The following CD58 variants were observed in gnomAD, a reference collection of about 807,000 sequenced individuals.
CD58 encodes the protein lymphocyte function-associated antigen 3.
A neutral mutation model predicts 27.6 loss-of-function variants in CD58; 14 were observed. The ratio of observed to expected loss-of-function variants is 0.51; its 90% CI spans 0.34 to 0.79. The LOEUF is 0.79. Among genes scored for constraint, CD58 ranks in the 30% least tolerant of loss-of-function variants. The probability of loss-of-function intolerance (pLI) is 0.02; values close to 1 mark genes in which losing one functional copy is unlikely to be tolerated. For synonymous variants in CD58, 117 were observed against 103.8 expected, an observed-to-expected ratio of 1.13 and a Z score of -0.77; for missense variants, 268 against 301.7, an observed-to-expected ratio of 0.89 and a Z score of 0.83.
Position 116,557,105 on chromosome 1 carries a change from A to T in CD58, c.71-12501T>A, listed in dbSNP as rs548378961. Among the ~76,000 whole-genome samples the T allele has an allele frequency of 1.6e-4, 24 of 152,316 alleles. No homozygotes were observed. The East Asian group carries it at 2.7e-3, about 17-fold the overall frequency. ...CCATATGTCTGGCATATGGACTTTCAATAAATATCTGTTGAATGAATTAAC... is the reference window on the plus strand; with the variant it reads ...CCATATGTCTGGCATATGGACTTTCTATAAATATCTGTTGAATGAATTAAC... On this transcript the variant is annotated intron_variant, in intron 1 of 5. Transcript: ENST00000369489. The surrounding 1 kb of genome is among the most constrained non-coding windows in gnomAD (Gnocchi z 5.2).
chr1:116,570,238 G>T lies in CD58; in HGVS notation c.70+665C>A, dbSNP rs1024081812. On this transcript the variant is annotated intron_variant, in intron 1 of 5. Coordinates refer to ENST00000369489, the MANE Select transcript of CD58 (RefSeq NM_001779.3). This position sits in a 1 kb window ranked among gnomAD's most constrained non-coding sequence, Gnocchi z 6.4. ...TTTCCTGAGGTTGTTGTGACGACTT[G>T]GCTGACAACACACGGAGAGGATGGA... is the stretch of plus-strand genomic sequence containing the variant. Among the ~76,000 whole-genome samples, 6 of 152,212 alleles carry T rather than the reference G, an allele frequency of 3.9e-5. No individual in the cohort carries two copies. Among genetic ancestry groups the T allele is most frequent in the Admixed American group, 1.3e-4 (2 of 15,288 alleles).
chr1:116,532,911 T>C lies in CD58; in HGVS notation c.628+3054A>G. 1 of 1,021,698 alleles carries C rather than the reference T, an allele frequency of 9.8e-7. No individual in the cohort carries two copies. Among genetic ancestry groups the C allele is most frequent in the South Asian group, 1.4e-5 (1 of 73,898 alleles). The allele number at this position is 1,021,698 out of a possible 1,614,324, so 63.3% of individuals were successfully genotyped here. On this transcript the variant is annotated intron_variant, in intron 3 of 5. Coordinates refer to ENST00000369489, the MANE Select transcript of CD58 (RefSeq NM_001779.3). This position sits in a 1 kb window ranked among gnomAD's most constrained non-coding sequence, Gnocchi z 5.1. ...ACAGGCCCGGAGTCGCGACAGCCGG[T>C]CTGCCAGGCGCCCACCTCCACTTCC...
rs1181072031 is a variant in CD58, at chr1:116,538,600, G to C, written c.365-2372C>G. On this transcript the variant is annotated intron_variant, in intron 2 of 5. Coordinates refer to ENST00000369489, the MANE Select transcript of CD58 (RefSeq NM_001779.3). This position sits in a 1 kb window ranked among gnomAD's most constrained non-coding sequence, Gnocchi z 4.7. ...AGATTCCTGAGCCCCACCATCCCAG[G>C]TGCTTCTGATGTATGTGGCCTGTTT... Among the ~76,000 whole-genome samples the C allele has an allele frequency of 1.3e-5, 2 of 152,130 alleles. No individual in the cohort carries two copies. Among genetic ancestry groups the C allele is most frequent in the African/African-American group, 4.8e-5 (2 of 41,432 alleles).
Position 116,550,435 on chromosome 1 carries a change from C to T in CD58, c.71-5831G>A, listed in dbSNP as rs1012150057. Among the ~76,000 whole-genome samples the T allele has an allele frequency of 2.0e-5, 3 of 151,872 alleles. No homozygotes were observed. Among genetic ancestry groups the T allele is most frequent in the Admixed American group, 6.6e-5 (1 of 15,266 alleles). On this transcript the variant is annotated intron_variant, in intron 1 of 5. Coordinates refer to ENST00000369489, the MANE Select transcript of CD58 (RefSeq NM_001779.3). This position sits in a 1 kb window ranked among gnomAD's most constrained non-coding sequence, Gnocchi z 4.2. ...ATCTGAAGAAACCACTTTCTTTGCT[C>T]ATCCATAAGAAGCAACTCCTCATTG... is the stretch of plus-strand genomic sequence containing the variant.
At chr1:116,565,344 C>T (rs1175217710) in intron 1 of CD58, among the ~76,000 whole-genome samples, 1 of 152,194 alleles carries the variant, frequency 6.6e-6, no homozygotes, top group African/African-American at 2.4e-5. Context: ...TTCTTAAACG[C>T]TTGAAGCCTA....
chr1:116,556,039 T>G (rs1281356994), intron 1 of CD58, among the ~76,000 whole-genome samples: 3 of 152,060 alleles, frequency 2.0e-5, no homozygotes, highest in African/African-American at 7.2e-5. Context: ...GTGGATCACT[T>G]GAGGTCAGGA....
In CD58 at chr1:116,531,168, T is replaced by G. The variant is rs1316665960; in HGVS notation, c.628+4797A>C. ...AGACTATTTACAGGGAAAGTAATCTTACTTTCAGTAAGAGTAATTTTACTT... is the reference window on the plus strand; with the variant it reads ...AGACTATTTACAGGGAAAGTAATCTGACTTTCAGTAAGAGTAATTTTACTT... On this transcript the variant is annotated intron_variant, in intron 3 of 5. Transcript: ENST00000369489. The surrounding 1 kb of genome is among the most constrained non-coding windows in gnomAD (Gnocchi z 4.5). Among the ~76,000 whole-genome samples, 1 of 152,254 alleles carries G rather than the reference T, an allele frequency of 6.6e-6. No homozygotes were observed. The highest frequency in any genetic ancestry group is 1.9e-4 in the East Asian group (1 of 5,204).
intron 2 of CD58, among the ~76,000 whole-genome samples, chr1:116,539,283 G>C (rs1336148336): frequency 6.6e-6 from 1 of 152,150 alleles, no homozygotes; most frequent in Admixed American, 6.5e-5. Context: ...AGTAGGAGTT[G>C]GGAGGTTTGA....
At chr1:116,558,445 G>C (rs1557843630) in intron 1 of CD58, among the ~76,000 whole-genome samples, 3 of 152,156 alleles carry the variant, frequency 2.0e-5, no homozygotes. Flanking sequence ...GCAGTATCAG[G>C]ATGTGTGGCA....
rs1403257472 is a variant in CD58 at position 116,559,730 on chromosome 1, T to C, written c.70+11173A>G. On this transcript the variant is annotated intron_variant, in intron 1 of 5. Transcript: ENST00000369489. This position sits in a 1 kb window ranked among gnomAD's most constrained non-coding sequence, Gnocchi z 4.4. ...TCGATAAGTTCATCAAGAATTAAGATGTTGGTTCTCTAAATCAACTTCTTT... is the reference window on the plus strand; with the variant it reads ...TCGATAAGTTCATCAAGAATTAAGACGTTGGTTCTCTAAATCAACTTCTTT... Among the ~76,000 whole-genome samples the C allele has an allele frequency of 6.6e-6, 1 of 152,246 alleles. No individual in the cohort carries two copies. Among genetic ancestry groups the C allele is most frequent in the Admixed American group, 6.5e-5 (1 of 15,294 alleles).
chr1:116,548,542 T>C (rs1658273702), intron 1 of CD58, among the ~76,000 whole-genome samples: 1 of 152,248 alleles, frequency 6.6e-6, no homozygotes, highest in Admixed American at 6.5e-5. Context: ...AGTTCTTTTC[T>C]CTAGCTTAAT....
In CD58 at chr1:116,552,693, C is replaced by T. The variant is rs1658431847; in HGVS notation, c.71-8089G>A. On this transcript the variant is annotated intron_variant, in intron 1 of 5. Coordinates refer to ENST00000369489, the MANE Select transcript of CD58 (RefSeq NM_001779.3). The surrounding 1 kb of genome is among the most constrained non-coding windows in gnomAD (Gnocchi z 4.5). ...TTCTTTTTAATAACTACATAATATT[C>T]CAGAGCATGAGGGAACCATAATTAA... 2.6e-5 allele frequency among the ~76,000 whole-genome samples: 4 copies of T among 152,146 alleles called. No homozygotes were observed. In the South Asian group the frequency reaches 8.3e-4, roughly 31 times the overall value.
chr1:116,518,564 G>A (rs1175701381), intron 5 of CD58: 3 of 578,820 alleles, frequency 5.2e-6, no homozygotes, highest in Non-Finnish European at 4.4e-6. Context: ...GCTCCAAAGA[G>A]GATGGCTTGC....
In CD58 at chr1:116,519,339, C is replaced by T; in HGVS notation, c.707-72G>A. 1 of 1,391,576 alleles carries T rather than the reference C, an allele frequency of 7.2e-7. No homozygotes were observed. Among genetic ancestry groups the T allele is most frequent in the Non-Finnish European group, 1.0e-6 (1 of 994,988 alleles). The allele number at this position is 1,391,576 out of a possible 1,614,324, so 86.2% of individuals were successfully genotyped here. A position where few individuals can be genotyped will look rare whatever the true frequency, so the allele number is the denominator to read the frequency against. On this transcript the variant is annotated intron_variant, in intron 4 of 5. Transcript: ENST00000369489. The surrounding 1 kb of genome is among the most constrained non-coding windows in gnomAD (Gnocchi z 4.7). ...AGGTGAAATGTGGAGTTACTGACTG[C>T]CTATTAGAGGCCTAAATATGGAAAA...
chr1:116,549,976 C>T (rs1327427258), intron 1 of CD58, among the ~76,000 whole-genome samples: 1 of 152,012 alleles, frequency 6.6e-6, no homozygotes, highest in Admixed American at 6.6e-5. Context: ...TGTTCAATAG[C>T]ATTATGTCTA....
In CD58 at chr1:116,559,865, C is replaced by T. The variant is rs1334664683; in HGVS notation, c.70+11038G>A. Among the ~76,000 whole-genome samples, 1 of 152,164 alleles carries T rather than the reference C, an allele frequency of 6.6e-6. No homozygotes were observed. The highest frequency in any genetic ancestry group is 2.1e-4 in the South Asian group (1 of 4,832). ...ATGTTTCCCTTTAGACCTATGCAAT[C>T]CATCAAAGTAGCTACCAGCTACAAG... On this transcript the variant is annotated intron_variant, in intron 1 of 5. Transcript: ENST00000369489. This position sits in a 1 kb window ranked among gnomAD's most constrained non-coding sequence, Gnocchi z 4.4.
chr1:116,551,843 G>A lies in CD58; in HGVS notation c.71-7239C>T, dbSNP rs954741115. 2.7e-5 allele frequency among the ~76,000 whole-genome samples: 4 copies of A among 150,828 alleles called. 1 individual carries two copies. Among genetic ancestry groups the A allele is most frequent in the South Asian group, 4.2e-4 (2 of 4,762 alleles). ...CAACATCTGCCTTTCAGGTTCAAGC[G>A]ATTCTCCTGCCTCAGCCTCCCAACC... On this transcript the variant is annotated intron_variant, in intron 1 of 5. Transcript: ENST00000369489.
intron 1 of CD58, among the ~76,000 whole-genome samples, chr1:116,569,923 T>G (rs1659083526): frequency 6.6e-6 from 1 of 152,196 alleles, no homozygotes; most frequent in Non-Finnish European, 1.5e-5. Context: ...CAACACTGAC[T>G]TATCTGATCG....
chr1:116,565,350 G>C (rs1571093843), intron 1 of CD58, among the ~76,000 whole-genome samples: 1 of 152,322 alleles, frequency 6.6e-6, no homozygotes, highest in African/African-American at 2.4e-5. Context: ...AACGCTTGAA[G>C]CCTATCTCAG....
Sources: allele counts gnomAD v4.1 joint callset (sites outside exome capture counted in the v4.1 genomes callset), GRCh38; gene constraint gnomAD v4.1.1; non-coding constraint Gnocchi (gnomAD v3.1); transcripts MANE v1.5; gene names NCBI Gene and HGNC (gene_info 2026-07-23, HGNC 2026-07-21).